NOX5: variants seen among roughly 807,000 people sequenced by gnomAD.
NOX5 encodes the protein NADPH oxidase, EF-hand calcium binding domain 5.
A neutral mutation model predicts 85.7 loss-of-function variants in NOX5; 76 were observed. The observed-to-expected ratio is 0.89, with a 90% confidence interval of 0.74 to 1.07. NOX5 has a LOEUF of 1.07. Among genes scored for constraint, NOX5 ranks in the 50% least tolerant of loss-of-function variants. The pLI is 0.00. For missense variants in NOX5, 973 were observed against 999.5 expected, an observed-to-expected ratio of 0.97 and a Z score of 0.36; for synonymous variants, 405 against 401.4, an observed-to-expected ratio of 1.01 and a Z score of -0.11.
chr15:69,026,462 C>T lies in NOX5; in HGVS notation c.51-66C>T. On this transcript the variant is annotated intron_variant, in intron 1 of 15. Coordinates refer to ENST00000388866, the MANE Select transcript of NOX5 (RefSeq NM_024505.4). ...TTAGAGCAAGGCAGAGGCCCTGGGA[C>T]CACCATGAGACCTCATAAGGCTTTG... The T allele has an allele frequency of 3.7e-6, 6 of 1,605,708 alleles. No individual in the cohort carries two copies. The South Asian group carries it at 5.5e-5, about 15-fold the overall frequency.
At chr15:69,048,239 T>A (rs981640982) in intron 13 of NOX5, among the ~76,000 whole-genome samples, 3 of 152,208 alleles carry the variant, frequency 2.0e-5, no homozygotes, top group Non-Finnish European at 4.4e-5. Flanking sequence ...GTTTTAAGAA[T>A]GAAAACATAC....
rs1289162309 is a variant in NOX5 at position 69,059,884 on chromosome 15, T to G, written c.*3188T>G. ...AGGAGCAAGGCCAGTTATCGGCACGTGTGCCCATCCTCCCCCATGAAGCTG... is the reference window on the plus strand; with the variant it reads ...AGGAGCAAGGCCAGTTATCGGCACGGGTGCCCATCCTCCCCCATGAAGCTG... On this transcript the variant is annotated 3_prime_UTR_variant, in exon 16 of 16. Transcript: ENST00000388866. The G allele has an allele frequency of 1.3e-5, 2 of 152,206 alleles. No individual in the cohort carries two copies. Among genetic ancestry groups the G allele is most frequent in the Non-Finnish European group, 2.9e-5 (2 of 68,088 alleles). The allele number at this position is 152,206 out of a possible 1,614,324, so 9.4% of individuals were successfully genotyped here.
rs1216820292 is a variant in NOX5, at chr15:69,062,218, A to G, written c.*5522A>G. ...TTCCCCACTGGCCCTGCCTTGGTTC[A>G]GTCCTTAAATTGCCTATTGCCTGAA... is the stretch of plus-strand genomic sequence containing the variant. On this transcript the variant is annotated 3_prime_UTR_variant, in exon 16 of 16. Transcript: ENST00000388866. 6.6e-6 allele frequency: 1 copy of G among 152,030 alleles called. No homozygotes were observed. Among genetic ancestry groups the G allele is most frequent in the Non-Finnish European group, 1.5e-5 (1 of 67,986 alleles). The allele number at this position is 152,030 out of a possible 1,614,324, so 9.4% of individuals were successfully genotyped here.
At position 69,055,446 on chromosome 15, in the gene NOX5, C is replaced by T; in HGVS notation, c.2112C>T (p.Asp704=). 3 of 1,614,204 alleles carry T rather than the reference C, an allele frequency of 1.9e-6. No individual in the cohort carries two copies. The highest frequency in any genetic ancestry group is 8.5e-7 in the Non-Finnish European group (1 of 1,180,050). The change falls in exon 15 of 16, where the codon GAC becomes GAT. Residue 704 remains aspartate, a synonymous_variant. Coordinates refer to ENST00000388866, the MANE Select transcript of NOX5 (RefSeq NM_024505.4). ...LDLLANKEKK[D]SITGLQTRTQ... ...TCCTGGCCAACAAGGAGAAGAAAGA[C>T]TCCATCACGGGGCTGCAGACGCGCA...
At chr15:69,037,329 GC>G in intron 8 of NOX5, 119 bp downstream of exon 8, 2 of 1,035,496 alleles carry the variant, frequency 1.9e-6, no homozygotes, top group Non-Finnish European at 2.8e-6. Flanking sequence ...TGTAGCTGCA[GC>G]CCCATTGCTA....
chr15:69,051,855 A>G (rs180964788), intron 14 of NOX5, among the ~76,000 whole-genome samples: 1 of 152,096 alleles, frequency 6.6e-6, no homozygotes, highest in East Asian at 1.9e-4. Flanking sequence ...TTTTTTTTAA[A>G]AAAAGATTAA....
At chr15:69,033,404 T>G in intron 5 of NOX5, 127 bp downstream of exon 5, 1 of 1,075,060 alleles carries the variant, frequency 9.3e-7, no homozygotes, top group Non-Finnish European at 1.3e-6. Context: ...AGAAATCAGC[T>G]GGGCCAACGC....
intron 14 of NOX5, among the ~76,000 whole-genome samples, chr15:69,051,822 C>A (rs377197504): frequency 1.3e-5 from 2 of 151,790 alleles, no homozygotes; most frequent in Non-Finnish European, 2.9e-5. Context: ...AGATTAGACA[C>A]CCTTTTTCCT....
rs2050820751 is a variant in NOX5 at position 69,056,973 on chromosome 15, G to A, written c.*277G>A. 2 of 284,768 alleles carry A rather than the reference G, an allele frequency of 7.0e-6. No individual in the cohort carries two copies. Among genetic ancestry groups the A allele is most frequent in the South Asian group, 1.8e-4 (2 of 10,988 alleles). 17.6% of individuals were successfully genotyped at this position (284,768 alleles called of 1,614,324 possible). A position where few individuals can be genotyped will look rare whatever the true frequency, so the allele number is the denominator to read the frequency against. ...CCAGAGGCTGGTCACGGGAGCTTGG[G>A]GGTGGGGTTCGAGGGGGCAGAGGGC... On this transcript the variant is annotated 3_prime_UTR_variant, in exon 16 of 16. Transcript: ENST00000388866.
intron 14 of NOX5, among the ~76,000 whole-genome samples, chr15:69,054,990 G>A (rs2050793211): frequency 6.6e-6 from 1 of 152,184 alleles, no homozygotes; most frequent in Admixed American, 6.5e-5. Context: ...TTGGGAGGCT[G>A]AGGCGGGTGG....
rs568470353 is a variant in NOX5 at position 69,051,437 on chromosome 15, G to A, written c.1999+2379G>A. Among the ~76,000 whole-genome samples the A allele has an allele frequency of 2.0e-5, 3 of 151,768 alleles. No homozygotes were observed. In the South Asian group the frequency reaches 6.3e-4, roughly 32 times the overall value. On this transcript the variant is annotated intron_variant, in intron 14 of 15. Coordinates refer to ENST00000388866, the MANE Select transcript of NOX5 (RefSeq NM_024505.4). ...AGAGTGTGTCTCCATCACCCAGGCTGGAGTGCAGTGGCGCTCACTGCCACC... is the reference window on the plus strand; with the variant it reads ...AGAGTGTGTCTCCATCACCCAGGCTAGAGTGCAGTGGCGCTCACTGCCACC...
At chr15:69,037,251 C>T (rs3825853) in intron 8 of NOX5, 41 bp downstream of exon 8, 21,433 of 1,573,940 alleles carry the variant, frequency 0.014, 199 homozygotes, top group African/African-American at 0.031. Flanking sequence ...TCCAACTCAC[C>T]CCAAGGGACA....
At chr15:69,035,664 A>G in intron 6 of NOX5, 94 bp from the exon 7 acceptor site, 1 of 1,565,684 alleles carries the variant, frequency 6.4e-7, no homozygotes, top group Non-Finnish European at 8.7e-7. Context: ...TGCCCGTGCT[A>G]GTATCTGATG....
At chr15:69,029,612 T>C (rs2050404164) in intron 3 of NOX5, 1 of 152,216 alleles carries the variant, frequency 6.6e-6, no homozygotes, top group African/African-American at 2.4e-5. Context: ...TGCATTATTT[T>C]ACATTCCTAC....
chr15:69,055,310 C>T (rs183047700), intron 14 of NOX5, 24 bp from the exon 15 acceptor site: 1 of 1,611,636 alleles, frequency 6.2e-7, no homozygotes, highest in African/African-American at 1.3e-5. Flanking sequence ...ACCCTCAGTG[C>T]AGCCCTTGTC....
chr15:69,049,134 G>A, intron 14 of NOX5, 76 bp downstream of exon 14: 1 of 860,966 alleles, frequency 1.2e-6, no homozygotes, highest in East Asian at 2.8e-5. Context: ...ATAATTTATT[G>A]ATATGAAACT....
chr15:69,039,107 C>A, intron 9 of NOX5, 118 bp downstream of exon 9: 2 of 1,157,392 alleles, frequency 1.7e-6, no homozygotes, highest in Non-Finnish European at 2.5e-6. Context: ...CAAAGTCAGC[C>A]TCAAAAAGCT....
intron 3 of NOX5, 179 bp from the exon 4 acceptor site, chr15:69,031,339 A>G (rs1292513346): frequency 7.7e-6 from 5 of 646,004 alleles, no homozygotes; most frequent in African/African-American, 1.8e-5. Flanking sequence ...CTGAAGCCAA[A>G]GATTCTCCAC....
intron 3 of NOX5, 58 bp downstream of exon 3, chr15:69,028,423 A>C: frequency 6.7e-7 from 1 of 1,484,366 alleles, no homozygotes; most frequent in Non-Finnish European, 9.0e-7. Flanking sequence ...CTCAGTGAGA[A>C]CTGGCCATTT....
Sources: gnomAD v4.1 joint callset for allele counts (sites outside exome capture counted in the v4.1 genomes callset) on GRCh38, gnomAD v4.1.1 for gene constraint, MANE v1.5 for transcripts, NCBI Gene and HGNC (gene_info 2026-07-23, HGNC 2026-07-21) for gene names.